TTLL7: variants seen among roughly 807,000 people sequenced by gnomAD.
TTLL7 encodes the protein tubulin tyrosine ligase like 7.
A neutral mutation model predicts 120.2 loss-of-function variants in TTLL7; 53 were observed. The ratio of observed to expected loss-of-function variants is 0.44; its 90% CI spans 0.35 to 0.55. The LOEUF (loss-of-function observed/expected upper bound fraction) is 0.55, where lower values mean the gene tolerates loss of function less well. Among genes scored for constraint, TTLL7 ranks in the 20% least tolerant of loss-of-function variants. TTLL7 has a pLI of 0.00. For synonymous variants in TTLL7, 353 were observed against 351.7 expected, an observed-to-expected ratio of 1.00 and a Z score of -0.04; for missense variants, 803 against 1,054.7, an observed-to-expected ratio of 0.76 and a Z score of 3.31.
At chr1:83,982,508 T>C (rs995068542) in intron 1 of TTLL7, among the ~76,000 whole-genome samples, 1 of 152,156 alleles carries the variant, frequency 6.6e-6, no homozygotes, top group Non-Finnish European at 1.5e-5. Context: ...ACACCAATAT[T>C]GTTCTAGCTG....
intron 1 of TTLL7, among the ~76,000 whole-genome samples, chr1:83,963,779 T>G (rs538329858): frequency 3.3e-5 from 5 of 152,170 alleles, no homozygotes; most frequent in African/African-American, 1.2e-4. Flanking sequence ...TCTCTAGAGG[T>G]TTTTTAATTT....
In TTLL7 at chr1:83,911,374, T is replaced by C; in HGVS notation, c.1588-11A>G. 2 of 1,583,678 alleles carry C rather than the reference T, an allele frequency of 1.3e-6. No homozygotes were observed. Among genetic ancestry groups the C allele is most frequent in the Admixed American group, 1.8e-5 (1 of 54,374 alleles). On this transcript the variant is annotated splice_polypyrimidine_tract_variant and intron_variant, in intron 14 of 20. Coordinates refer to ENST00000260505, the MANE Select transcript of TTLL7 (RefSeq NM_024686.6). ...CATAGAACACAGAGGCTAAAAAAGA[T>C]GGAAATGTGTTATTTTGTTAGAATT...
At chr1:83,907,718 CT>C in intron 15 of TTLL7, 57 bp from the exon 16 acceptor site, 1 of 1,492,150 alleles carries the variant, frequency 6.7e-7, no homozygotes, top group Non-Finnish European at 9.2e-7. Context: ...AAGTTTTTCA[CT>C]GTATGAAGTC....
intron 1 of TTLL7, among the ~76,000 whole-genome samples, chr1:83,960,484 T>A (rs1649916167): frequency 1.3e-5 from 2 of 152,112 alleles, no homozygotes; most frequent in East Asian, 1.9e-4. Flanking sequence ...TAATCCTGGA[T>A]GATTTTGCAG....
At chr1:83,958,741 G>C (rs1649752806) in intron 1 of TTLL7, among the ~76,000 whole-genome samples, 1 of 152,126 alleles carries the variant, frequency 6.6e-6, no homozygotes, top group African/African-American at 2.4e-5. Context: ...AATTTAAAAT[G>C]CTTATTTGTT....
chr1:83,892,561 T>TATATATGAACATATGA (rs1553129087), intron 18 of TTLL7, among the ~76,000 whole-genome samples: 3 of 107,278 alleles, frequency 2.8e-5, no homozygotes, highest in Admixed American at 1.0e-4. Context: ...TATATGAACA[T>TATATATGAACATATGA]ATGAACATAT....
chr1:83,948,014 T>C (rs1406964032), intron 5 of TTLL7, among the ~76,000 whole-genome samples: 2 of 152,164 alleles, frequency 1.3e-5, no homozygotes, highest in Non-Finnish European at 2.9e-5. Context: ...AGCTTTTCCA[T>C]GAAAGTAGAT....
At chr1:83,994,304 C>G (rs1404399868) in intron 1 of TTLL7, among the ~76,000 whole-genome samples, 3 of 152,226 alleles carry the variant, frequency 2.0e-5, no homozygotes, top group African/African-American at 7.2e-5. Context: ...GCTCTGCTTC[C>G]ACTGGCTCTC....
chr1:83,946,463 T>G (rs1412070107), intron 6 of TTLL7: 1 of 152,226 alleles, frequency 6.6e-6, no homozygotes, highest in African/African-American at 2.4e-5. Flanking sequence ...ACATTCTTTT[T>G]TAATAGTAAA....
intron 14 of TTLL7, among the ~76,000 whole-genome samples, chr1:83,913,281 T>A (rs1014556544): frequency 2.6e-5 from 4 of 152,174 alleles, no homozygotes; most frequent in African/African-American, 9.7e-5. Flanking sequence ...AAAAAATGTA[T>A]AAATATATGA....
At chr1:83,986,571 A>G (rs549206500) in intron 1 of TTLL7, among the ~76,000 whole-genome samples, 1 of 152,312 alleles carries the variant, frequency 6.6e-6, no homozygotes, top group Middle Eastern at 3.4e-3. Flanking sequence ...GCAGCCAGGC[A>G]TGGTGGCTCA....
At chr1:83,901,389 G>T (rs1375768280) in intron 18 of TTLL7, among the ~76,000 whole-genome samples, 1 of 151,866 alleles carries the variant, frequency 6.6e-6, no homozygotes, top group Non-Finnish European at 1.5e-5. Context: ...ATAGATAATT[G>T]CTTCAGTACC....
At chr1:83,957,734 A>G (rs2100875722) in intron 1 of TTLL7, among the ~76,000 whole-genome samples, 1 of 152,304 alleles carries the variant, frequency 6.6e-6, no homozygotes, top group South Asian at 2.1e-4. Flanking sequence ...AACATATTGA[A>G]GATTTCGCAA....
At chr1:83,962,345 C>CCT (rs1156698822) in intron 1 of TTLL7, among the ~76,000 whole-genome samples, 1 of 152,060 alleles carries the variant, frequency 6.6e-6, no homozygotes, top group Non-Finnish European at 1.5e-5. Flanking sequence ...TTTCCTTTGA[C>CCT]CTCTTACTTT....
chr1:83,877,848 T>C (rs1253484700), intron 20 of TTLL7, among the ~76,000 whole-genome samples: 1 of 151,828 alleles, frequency 6.6e-6, no homozygotes, highest in Non-Finnish European at 1.5e-5. Flanking sequence ...CTATTTTTAT[T>C]ATTTTTTTCT....
At chr1:83,924,382 G>A (rs1218057101) in intron 10 of TTLL7, among the ~76,000 whole-genome samples, 6 of 152,278 alleles carry the variant, frequency 3.9e-5, no homozygotes, top group Admixed American at 1.3e-4. Context: ...ATGTTATTCC[G>A]CCTTAAAAAG....
chr1:83,963,088 C>T (rs1476666887), intron 1 of TTLL7, among the ~76,000 whole-genome samples: 2 of 152,106 alleles, frequency 1.3e-5, no homozygotes, highest in African/African-American at 4.8e-5. Flanking sequence ...TAACCATAAT[C>T]TGAATTTCCT....
intron 14 of TTLL7, among the ~76,000 whole-genome samples, chr1:83,915,945 C>T (rs1043337980): frequency 6.6e-6 from 1 of 152,148 alleles, no homozygotes; most frequent in Non-Finnish European, 1.5e-5. Context: ...AATGAGATAC[C>T]ATCTCACACC....
At chr1:83,936,448 T>C (rs747760563) in intron 8 of TTLL7, among the ~76,000 whole-genome samples, 1 of 152,206 alleles carries the variant, frequency 6.6e-6, no homozygotes, top group African/African-American at 2.4e-5. Context: ...GAAGATAGTA[T>C]GATCTTCCAT....
Sources: allele counts gnomAD v4.1 joint callset (sites outside exome capture counted in the v4.1 genomes callset), GRCh38; gene constraint gnomAD v4.1.1; transcripts MANE v1.5; gene names NCBI Gene and HGNC (gene_info 2026-07-23, HGNC 2026-07-21).